MRPL50: variants seen among roughly 807,000 people sequenced by gnomAD.
The protein encoded by MRPL50 is large ribosomal subunit protein mL50.
Under a neutral mutation model 16.2 loss-of-function variants are expected in MRPL50, and 10 were observed. That is an observed-to-expected ratio of 0.62 (90% CI 0.38 to 1.05). The LOEUF is 1.05. Among genes scored for constraint, MRPL50 ranks in the 50% least tolerant of loss-of-function variants. MRPL50 has a pLI of 0.01. For missense variants in MRPL50, 213 were observed against 187.1 expected (o/e 1.14, Z -0.81); for synonymous variants, 68 against 66.8 (o/e 1.02, Z -0.09).
Position 101,390,777 on chromosome 9 carries a change from G to T in MRPL50, c.166C>A (p.Arg56=). Residue 56 remains arginine (R), a synonymous_variant, in exon 2 of 2, where the codon CGA becomes AGA. Coordinates refer to ENST00000374865, the MANE Select transcript of MRPL50 (RefSeq NM_019051.3). ...KEPILVCPPL[R]SRAYTPPEDL... ...TCAGGTGGTGTGTATGCTCGGCTTC[G>T]TAAAGGTGGACACACTAGGATAGGT... The T allele has an allele frequency of 6.2e-7, 1 of 1,613,560 alleles. No homozygotes were observed. Among genetic ancestry groups the T allele is most frequent in the Non-Finnish European group, 8.5e-7 (1 of 1,179,626 alleles).
rs2119048254 is a variant in MRPL50 at position 101,387,789 on chromosome 9, T to TA, written c.*2676dup. ...CATCTAAGTAAAATTAGTTAACTGA[T>TA]ACCCTTTTTATGTAGCAATCATTAA... On this transcript the variant is annotated 3_prime_UTR_variant, in exon 2 of 2. Coordinates refer to ENST00000374865, the MANE Select transcript of MRPL50 (RefSeq NM_019051.3). The TA allele has an allele frequency of 7.3e-6, 1 of 137,012 alleles. No individual in the cohort carries two copies. The highest frequency in any genetic ancestry group is 3.0e-5 in the African/African-American group (1 of 33,294). 8.5% of individuals were successfully genotyped at this position (137,012 alleles called of 1,614,324 possible). A position where few individuals can be genotyped will look rare whatever the true frequency, so the allele number is the denominator to read the frequency against.
chr9:101,391,059 T>C (rs1266472185), intron 1 of MRPL50, among the ~76,000 whole-genome samples: 2 of 152,096 alleles, frequency 1.3e-5, no homozygotes, highest in African/African-American at 2.4e-5. Context: ...GTACATATTT[T>C]ACATACTGTA....
At chr9:101,396,607 G>C (rs1043665882) in intron 1 of MRPL50, among the ~76,000 whole-genome samples, 4 of 152,140 alleles carry the variant, frequency 2.6e-5, no homozygotes, top group African/African-American at 9.7e-5. Flanking sequence ...AAATAAGCCA[G>C]ACAGAGTAAT....
At chr9:101,392,516 A>G (rs1564062562) in intron 1 of MRPL50, among the ~76,000 whole-genome samples, 1 of 151,952 alleles carries the variant, frequency 6.6e-6, no homozygotes. Context: ...AGCAACTATA[A>G]GTCAATAGAT....
Position 101,390,777 on chromosome 9 carries a change from G to A in MRPL50, c.166C>T (p.Arg56Ter), listed in dbSNP as rs532542087. 1.2e-5 allele frequency: 20 copies of A among 1,613,560 alleles called. No individual in the cohort carries two copies. The highest frequency in any genetic ancestry group is 1.1e-4 in the East Asian group (5 of 44,866). The change falls in exon 2 of 2, where the codon CGA becomes TGA. Residue 56 changes from arginine to a stop codon, truncating the protein, a stop_gained. Transcript: ENST00000374865. LOFTEE classifies it high-confidence loss of function. Reference sequence around the variant, plus strand: ...TCAGGTGGTGTGTATGCTCGGCTTCGTAAAGGTGGACACACTAGGATAGGT... The same window carrying A: ...TCAGGTGGTGTGTATGCTCGGCTTCATAAAGGTGGACACACTAGGATAGGT... ...KEPILVCPPL[R>*]SRAYTPPEDL... is the part of the protein sequence containing the mutation.
At chr9:101,395,888 G>C (rs1308532750) in intron 1 of MRPL50, among the ~76,000 whole-genome samples, 1 of 152,102 alleles carries the variant, frequency 6.6e-6, no homozygotes, top group East Asian at 1.9e-4. Flanking sequence ...TTTCACAATT[G>C]GGTGACTATA....
intron 1 of MRPL50, among the ~76,000 whole-genome samples, chr9:101,394,220 GA>G (rs1412791870): frequency 6.6e-6 from 1 of 152,162 alleles, no homozygotes; most frequent in Non-Finnish European, 1.5e-5. Flanking sequence ...TACAAGATTA[GA>G]AATTATGGTT....
At position 101,390,340 on chromosome 9, in the gene MRPL50, C is replaced by T; in HGVS notation, c.*126G>A. ...AAAAAAAAGATGATACATTCCTCTA[C>T]AGAAAAAGTGGGTTTAGAGAACAGT... On this transcript the variant is annotated 3_prime_UTR_variant, in exon 2 of 2. Transcript: ENST00000374865. The T allele has an allele frequency of 4.9e-6, 7 of 1,417,416 alleles. No individual in the cohort carries two copies. The highest frequency in any genetic ancestry group is 1.8e-5 in the South Asian group (1 of 54,138). The allele number at this position is 1,417,416 out of a possible 1,614,324, so 87.8% of individuals were successfully genotyped here.
chr9:101,390,850 TC>T lies in MRPL50; in HGVS notation c.93-1del. 6.3e-7 allele frequency: 1 copy of T among 1,578,418 alleles called. No homozygotes were observed. The highest frequency in any genetic ancestry group is 1.2e-5 in the South Asian group (1 of 85,064). ...CAACAACCACTGGCTCTTTCTCTTT[TC>T]TGGAATGATCAAAAACAAACAGACA... On this transcript the variant is annotated splice_acceptor_variant, in intron 1 of 1. Transcript: ENST00000374865. LOFTEE classifies it high-confidence loss of function.
At chr9:101,390,908 C>G in intron 1 of MRPL50, 58 bp from the exon 2 acceptor site, 1 of 1,509,218 alleles carries the variant, frequency 6.6e-7, no homozygotes. Flanking sequence ...AACACCAGAC[C>G]AAATCTTGCC....
At position 101,390,207 on chromosome 9, in the gene MRPL50, A is replaced by C; in HGVS notation, c.*259T>G. On this transcript the variant is annotated 3_prime_UTR_variant, in exon 2 of 2. Coordinates refer to ENST00000374865, the MANE Select transcript of MRPL50 (RefSeq NM_019051.3). ...CCTCCTGTCTTAAACCCAAGTTGAC[A>C]GTGCCCTCTCAAAACTTTTCATAAA... is the stretch of plus-strand genomic sequence containing the variant. 8.5e-7 allele frequency: 1 copy of C among 1,179,180 alleles called. No homozygotes were observed. The highest frequency in any genetic ancestry group is 2.6e-5 in the South Asian group (1 of 38,592). 73.0% of individuals were successfully genotyped at this position (1,179,180 alleles called of 1,614,324 possible).
rs982892431 is a variant in MRPL50, at chr9:101,388,911, T to C, written c.*1555A>G. On this transcript the variant is annotated 3_prime_UTR_variant, in exon 2 of 2. Coordinates refer to ENST00000374865, the MANE Select transcript of MRPL50 (RefSeq NM_019051.3). ...ACATTGTATTCACTATTTACATAGC[T>C]ACTTACATTGTATTCACAATTGTGA... 1 of 152,208 alleles carries C rather than the reference T, an allele frequency of 6.6e-6. No individual in the cohort carries two copies. Among genetic ancestry groups the C allele is most frequent in the African/African-American group, 2.4e-5 (1 of 41,456 alleles). 9.4% of individuals were successfully genotyped at this position (152,208 alleles called of 1,614,324 possible).
At chr9:101,393,452 C>CGTATCATACGTAAGATATATGATCTTAT (rs1223514957) in intron 1 of MRPL50, among the ~76,000 whole-genome samples, 152 of 151,930 alleles carry the variant, frequency 1.0e-3, no homozygotes, top group African/African-American at 3.4e-3. Context: ...TATGATCTTA[C>CGTATCATACGTAAGATATATGATCTTAT]GTATCATACG....
chr9:101,391,388 C>T (rs1830268405), intron 1 of MRPL50, among the ~76,000 whole-genome samples: 2 of 152,110 alleles, frequency 1.3e-5, no homozygotes, highest in Admixed American at 1.3e-4. Context: ...ATTGTGATTT[C>T]ATGTGATCTC....
In MRPL50 at chr9:101,389,823, A is replaced by C. The variant is rs1008251649; in HGVS notation, c.*643T>G. 5.0e-6 allele frequency: 1 copy of C among 201,810 alleles called. No homozygotes were observed. Among genetic ancestry groups the C allele is most frequent in the African/African-American group, 2.4e-5 (1 of 42,186 alleles). The allele number at this position is 201,810 out of a possible 1,614,324, so 12.5% of individuals were successfully genotyped here. Reference sequence around the variant, plus strand: ...GAAGAGAATATGCAATTAGACATAGAATCTGGCACATCTCTTATGAGGAAG... The same window carrying C: ...GAAGAGAATATGCAATTAGACATAGCATCTGGCACATCTCTTATGAGGAAG... On this transcript the variant is annotated 3_prime_UTR_variant, in exon 2 of 2. Coordinates refer to ENST00000374865, the MANE Select transcript of MRPL50 (RefSeq NM_019051.3).
intron 1 of MRPL50, among the ~76,000 whole-genome samples, chr9:101,393,887 T>A (rs554720986): frequency 9.5e-4 from 143 of 150,956 alleles, no homozygotes; most frequent in South Asian, 7.1e-3. Context: ...GTCAATGTAA[T>A]CTTTATCAAA....
At position 101,388,221 on chromosome 9, in the gene MRPL50, G is replaced by C. The variant is rs1830225892; in HGVS notation, c.*2245C>G. ...AAAAATGAATAAAAGATCCCCAAAT[G>C]ATTAACATGCGCATTAAATTTTGAG... On this transcript the variant is annotated 3_prime_UTR_variant, in exon 2 of 2. Coordinates refer to ENST00000374865, the MANE Select transcript of MRPL50 (RefSeq NM_019051.3). 1 of 152,074 alleles carries C rather than the reference G, an allele frequency of 6.6e-6. No homozygotes were observed. The highest frequency in any genetic ancestry group is 1.5e-5 in the Non-Finnish European group (1 of 67,980). The allele number at this position is 152,074 out of a possible 1,614,324, so 9.4% of individuals were successfully genotyped here.
intron 1 of MRPL50, among the ~76,000 whole-genome samples, 169 bp downstream of exon 1, chr9:101,398,332 G>T (rs537608091): frequency 1.3e-5 from 2 of 152,204 alleles, no homozygotes; most frequent in Admixed American, 1.3e-4. Flanking sequence ...GAAGAGACTG[G>T]GTCCCACCAC....
intron 1 of MRPL50, among the ~76,000 whole-genome samples, chr9:101,392,058 C>A (rs10116908): frequency 2.8e-3 from 429 of 152,006 alleles, no homozygotes; most frequent in African/African-American, 0.01. Flanking sequence ...AACATGCTCC[C>A]AAATGACCAA....
Sources: gnomAD v4.1 joint callset for allele counts (sites outside exome capture counted in the v4.1 genomes callset) on GRCh38, gnomAD v4.1.1 for gene constraint, MANE v1.5 for transcripts, NCBI Gene and HGNC (gene_info 2026-07-23, HGNC 2026-07-21) for gene names.